TENM2: variants seen among roughly 807,000 people sequenced by gnomAD.
TENM2 encodes the protein teneurin transmembrane protein 2, also known as teneurin-2.
A neutral mutation model predicts 245.2 loss-of-function variants in TENM2; 52 were observed. The ratio of observed to expected loss-of-function variants is 0.21; its 90% CI spans 0.17 to 0.27. The LOEUF is 0.27. Among genes scored for constraint, TENM2 ranks in the 10% least tolerant of loss-of-function variants. The pLI is 1.00. For missense variants in TENM2, 3,046 were observed against 3,666.8 expected, an observed-to-expected ratio of 0.83 and a Z score of 4.37; for synonymous variants, 1,363 against 1,438.9, an observed-to-expected ratio of 0.95 and a Z score of 1.19.
chr5:168,154,095 A>G (rs1279923824), intron 12 of TENM2, among the ~76,000 whole-genome samples: 1 of 137,322 alleles, frequency 7.3e-6, no homozygotes, highest in Admixed American at 8.0e-5. Flanking sequence ...AAGAAGAGCT[A>G]TTTTGGTTAC....
chr5:168,079,477 A>T (rs1791783194), intron 7 of TENM2, among the ~76,000 whole-genome samples: 1 of 152,028 alleles, frequency 6.6e-6, no homozygotes, highest in African/African-American at 2.4e-5. Context: ...GTTGAATAGG[A>T]GTGGTGAGAG....
At chr5:167,194,069 A>G in the TENM2 span, among the ~76,000 whole-genome samples, 1 of 151,906 alleles carries the variant, frequency 6.6e-6, no homozygotes, top group African/African-American at 2.4e-5. Context: ...AATCACTGTG[A>G]AGGGTGTCTC....
At chr5:167,500,142 G>A (rs904932076) in intron 2 of TENM2, among the ~76,000 whole-genome samples, 9 of 151,880 alleles carry the variant, frequency 5.9e-5, no homozygotes, top group African/African-American at 7.3e-5. Context: ...TTGTGTGTAT[G>A]TGTGTGGGTA....
At chr5:167,255,610 G>A in the TENM2 span, among the ~76,000 whole-genome samples, 5 of 152,094 alleles carry the variant, frequency 3.3e-5, no homozygotes, top group East Asian at 1.9e-4. Flanking sequence ...ATATGAAAAC[G>A]TAGATTTCGA....
chr5:167,221,603 T>C, the TENM2 span, among the ~76,000 whole-genome samples: 2 of 152,198 alleles, frequency 1.3e-5, no homozygotes, highest in African/African-American at 2.4e-5. Flanking sequence ...AGCAAGCAAT[T>C]TATAGAATAC....
intron 2 of TENM2, among the ~76,000 whole-genome samples, chr5:167,563,990 G>C (rs1162407711): frequency 6.6e-6 from 1 of 152,164 alleles, no homozygotes; most frequent in Non-Finnish European, 1.5e-5. Flanking sequence ...ATGGCTAACT[G>C]GTGCACGACT....
the TENM2 span, among the ~76,000 whole-genome samples, chr5:167,029,078 A>G: frequency 6.6e-6 from 1 of 152,232 alleles, no homozygotes; most frequent in Non-Finnish European, 1.5e-5. Context: ...GTCTAATTTG[A>G]TCAGTTAAAC....
intron 2 of TENM2, among the ~76,000 whole-genome samples, chr5:167,656,176 A>G (rs1252856444): frequency 6.6e-6 from 1 of 152,194 alleles, no homozygotes; most frequent in African/African-American, 2.4e-5. Flanking sequence ...CAAAAATCCC[A>G]GAATTTGCAC....
At chr5:167,325,550 C>T (rs1240141454) in intron 1 of TENM2, among the ~76,000 whole-genome samples, 2 of 152,188 alleles carry the variant, frequency 1.3e-5, no homozygotes, top group Non-Finnish European at 2.9e-5. Context: ...CCCTTTACCC[C>T]AGAAAACCTC....
At chr5:168,179,618 T>C (rs527803786) in intron 13 of TENM2, among the ~76,000 whole-genome samples, 156 of 152,316 alleles carry the variant, frequency 1.0e-3, no homozygotes, top group African/African-American at 3.5e-3. Context: ...CTCCTGTGTG[T>C]TGGACACTCA....
Position 167,607,193 on chromosome 5 carries a change from C to T in TENM2, c.502+231720C>T, listed in dbSNP as rs541524873. The stretch of plus-strand genomic sequence containing the variant: ...TACAGTAGAGAGAAATGTCTCTCTA[C>T]TATTAGAGAAGTAATAGTGCCAATA... On this transcript the variant is annotated intron_variant, in intron 2 of 28. Transcript: ENST00000518659. 7.9e-4 allele frequency among the ~76,000 whole-genome samples: 120 copies of T among 152,216 alleles called. No homozygotes were observed. The Middle Eastern group carries it at 0.01, about 13-fold the overall frequency.
intron 1 of TENM2, among the ~76,000 whole-genome samples, chr5:167,353,668 C>T (rs865887577): frequency 9.9e-5 from 15 of 151,432 alleles, no homozygotes; most frequent in African/African-American, 3.4e-4. Flanking sequence ...CCACTACGCC[C>T]GGCTAATTTT....
chr5:167,584,456 C>G (rs1000711704), intron 2 of TENM2, among the ~76,000 whole-genome samples: 1 of 152,114 alleles, frequency 6.6e-6, no homozygotes, highest in Admixed American at 6.5e-5. Context: ...TGGCCCATGA[C>G]CAGTCTGATT....
intron 6 of TENM2, among the ~76,000 whole-genome samples, chr5:168,061,296 C>T (rs763721650): frequency 3.7e-4 from 57 of 152,082 alleles, no homozygotes; most frequent in Non-Finnish European, 7.2e-4. Flanking sequence ...CTGCTAGTCA[C>T]GCTCAGCTTT....
chr5:167,701,444 A>G (rs529762237), intron 2 of TENM2, among the ~76,000 whole-genome samples: 1 of 152,028 alleles, frequency 6.6e-6, no homozygotes, highest in South Asian at 2.1e-4. Context: ...TGAAATTAGC[A>G]TAGAGTAGCA....
At chr5:167,640,807 A>G (rs887685912) in intron 2 of TENM2, among the ~76,000 whole-genome samples, 3 of 141,782 alleles carry the variant, frequency 2.1e-5, no homozygotes, top group African/African-American at 7.7e-5. Flanking sequence ...CTATAGAGAA[A>G]TAGAAACAAA....
chr5:167,180,933 T>G, the TENM2 span, among the ~76,000 whole-genome samples: 1 of 150,200 alleles, frequency 6.7e-6, no homozygotes, highest in Non-Finnish European at 1.5e-5. Context: ...GCACGCTGGC[T>G]GTAGCTTTTA....
At chr5:168,076,920 C>T (rs562084916) in intron 7 of TENM2, among the ~76,000 whole-genome samples, 1 of 152,270 alleles carries the variant, frequency 6.6e-6, no homozygotes, top group East Asian at 1.9e-4. Flanking sequence ...GCACCCCCTA[C>T]TGGCTGCCTG....
intron 1 of TENM2, among the ~76,000 whole-genome samples, chr5:167,329,133 T>C (rs1435697484): frequency 6.6e-6 from 1 of 152,152 alleles, no homozygotes; most frequent in South Asian, 2.1e-4. Context: ...CAACAACCCC[T>C]GTGGGAGATG....
Sources: allele counts gnomAD v4.1 joint callset (sites outside exome capture counted in the v4.1 genomes callset), GRCh38; gene constraint gnomAD v4.1.1; transcripts MANE v1.5; gene names NCBI Gene and HGNC (gene_info 2026-07-23, HGNC 2026-07-21).